The following DPP6 variants were observed in gnomAD, a reference collection of about 807,000 sequenced individuals.
DPP6 encodes the protein dipeptidyl peptidase like 6, also known as A-type potassium channel modulatory protein DPP6.
Under a neutral mutation model 122.6 loss-of-function variants are expected in DPP6, and 69 were observed. The observed-to-expected ratio is 0.56, with a 90% CI of 0.46 to 0.69. DPP6 has a LOEUF of 0.69. DPP6 is among the 30% of genes least tolerant of loss of function. DPP6 has a pLI of 0.00. For synonymous variants in DPP6, 418 were observed against 433.1 expected (o/e 0.97, Z 0.43); for missense variants, 928 against 1,116.9 (o/e 0.83, Z 2.41).
chr7:154,670,939 G>GT, intron 7 of DPP6, among the ~76,000 whole-genome samples: 1 of 152,294 alleles, frequency 6.6e-6, no homozygotes, highest in African/African-American at 2.4e-5. Context: ...GATAACAGAG[G>GT]TTTTGAAAAG....
At chr7:154,422,601 T>C (rs898468422) in intron 1 of DPP6, among the ~76,000 whole-genome samples, 3 of 151,660 alleles carry the variant, frequency 2.0e-5, no homozygotes, top group African/African-American at 7.3e-5. Context: ...GGTAGATGGA[T>C]GGTTGGATGG....
intron 1 of DPP6, among the ~76,000 whole-genome samples, chr7:153,889,233 T>C (rs1799083159): frequency 6.6e-6 from 1 of 152,206 alleles, no homozygotes; most frequent in African/African-American, 2.4e-5. Flanking sequence ...ACCTAATTGC[T>C]TGTTTATGAA....
intron 1 of DPP6, among the ~76,000 whole-genome samples, chr7:153,946,215 A>G (rs1271594388): frequency 2.0e-5 from 3 of 152,208 alleles, no homozygotes; most frequent in Admixed American, 2.0e-4. Flanking sequence ...AAATAAAGAA[A>G]CAAAAGAATG....
chr7:154,718,447 T>G (rs1240893752), intron 7 of DPP6, among the ~76,000 whole-genome samples: 3 of 152,276 alleles, frequency 2.0e-5, no homozygotes, highest in African/African-American at 7.2e-5. Flanking sequence ...AATTGGGGTC[T>G]AATTTCATTC....
intron 13 of DPP6, among the ~76,000 whole-genome samples, chr7:154,802,074 G>A (rs954555037): frequency 6.6e-6 from 1 of 152,032 alleles, no homozygotes; most frequent in Admixed American, 6.6e-5. Context: ...GGAGCCTCAC[G>A]CCTGCAGGAC....
intron 1 of DPP6, among the ~76,000 whole-genome samples, chr7:154,281,268 C>A (rs1804494179): frequency 6.6e-6 from 1 of 152,092 alleles, no homozygotes; most frequent in Admixed American, 6.6e-5. Context: ...CCGCTTCGAC[C>A]TCCCCTAATG....
At chr7:154,301,146 C>T (rs1290194384) in intron 1 of DPP6, among the ~76,000 whole-genome samples, 1 of 152,168 alleles carries the variant, frequency 6.6e-6, no homozygotes, top group African/African-American at 2.4e-5. Flanking sequence ...TAACAGTCTG[C>T]CTCATGGTGT....
chr7:154,076,250 G>C (rs1230256905), intron 1 of DPP6, among the ~76,000 whole-genome samples: 1 of 152,180 alleles, frequency 6.6e-6, no homozygotes, highest in East Asian at 1.9e-4. Flanking sequence ...AGGAGTTCAA[G>C]ACCAGCCTCG....
At position 154,817,497 on chromosome 7, in the gene DPP6, T is replaced by G. The variant is rs553172931; in HGVS notation, c.1666+10385T>G. 8.1e-4 allele frequency among the ~76,000 whole-genome samples: 123 copies of G among 152,248 alleles called. 1 individual carries two copies. The highest frequency in any genetic ancestry group is 3.4e-3 in the Middle Eastern group (1 of 292). On this transcript the variant is annotated intron_variant, in intron 16 of 25. Coordinates refer to ENST00000377770, the MANE Select transcript of DPP6 (RefSeq NM_130797.4). ...TATGAGCAACTTCAAGAGTAATTGA[T>G]GAATGATGTCATGAGGGTCATGAGT...
chr7:154,136,440 TTTTTACAGGGGAACCACA>T (rs1446413949), intron 1 of DPP6, among the ~76,000 whole-genome samples: 6 of 152,220 alleles, frequency 3.9e-5, no homozygotes, highest in African/African-American at 1.2e-4. Context: ...AGTATGCAGT[TTTTTACAGGGGAACCACA>T]GAATCTTTAT....
chr7:153,943,860 ATGC>A, intron 1 of DPP6, among the ~76,000 whole-genome samples: 1 of 150,302 alleles, frequency 6.7e-6, no homozygotes, highest in Admixed American at 6.7e-5. Context: ...AGTCTGAGTG[ATGC>A]TCTGCTACAT....
intron 5 of DPP6, among the ~76,000 whole-genome samples, chr7:154,592,791 G>A (rs1454333570): frequency 5.9e-5 from 9 of 152,094 alleles, no homozygotes; most frequent in Non-Finnish European, 4.4e-5. Flanking sequence ...CATGTCATCC[G>A]GGAAAACTAC....
intron 1 of DPP6, among the ~76,000 whole-genome samples, chr7:154,345,692 T>C (rs766981654): frequency 1.3e-5 from 2 of 152,152 alleles, no homozygotes; most frequent in Non-Finnish European, 2.9e-5. Context: ...AGGTCAGCTA[T>C]GCTTCCCATT....
chr7:154,417,188 C>CA lies in DPP6; in HGVS notation c.244-29025dup, dbSNP rs768795023. 5.9e-5 allele frequency among the ~76,000 whole-genome samples: 9 copies of CA among 152,188 alleles called. 1 individual carries two copies. Among genetic ancestry groups the CA allele is most frequent in the Non-Finnish European group, 8.8e-5 (6 of 68,036 alleles). ...CGGGTGATCTCAGGGAACATCTCCC[C>CA]ACCAATTACTTTCAAGACTGACTCG... is the stretch of plus-strand genomic sequence containing the variant. On this transcript the variant is annotated intron_variant, in intron 1 of 25. Transcript: ENST00000377770.
At chr7:154,320,261 C>T (rs1807824374) in intron 1 of DPP6, among the ~76,000 whole-genome samples, 1 of 152,110 alleles carries the variant, frequency 6.6e-6, no homozygotes, top group Admixed American at 6.6e-5. Flanking sequence ...GTGCCTCTCA[C>T]TTCAGGCCGG....
At chr7:154,417,814 C>T (rs748126099) in intron 1 of DPP6, among the ~76,000 whole-genome samples, 47 of 152,358 alleles carry the variant, frequency 3.1e-4, no homozygotes, top group Non-Finnish European at 5.3e-4. Flanking sequence ...CCACCCTCAT[C>T]GCCTCTTGCC....
intron 1 of DPP6, among the ~76,000 whole-genome samples, chr7:153,917,713 C>G (rs1800388979): frequency 6.6e-6 from 1 of 152,154 alleles, no homozygotes; most frequent in Non-Finnish European, 1.5e-5. Context: ...TGTGGTTATT[C>G]TAGTGTGACA....
chr7:154,774,323 T>C (rs1161468159), intron 10 of DPP6, among the ~76,000 whole-genome samples: 4 of 152,210 alleles, frequency 2.6e-5, no homozygotes, highest in Admixed American at 2.6e-4. Context: ...TCTCCTAAAG[T>C]TCCATATATT....
intron 17 of DPP6, among the ~76,000 whole-genome samples, chr7:154,865,828 G>A (rs1803824070): frequency 6.6e-6 from 1 of 152,144 alleles, no homozygotes; most frequent in Non-Finnish European, 1.5e-5. Flanking sequence ...AAAGACTTGG[G>A]TAGAAACCCA....
Sources: allele counts gnomAD v4.1 joint callset (sites outside exome capture counted in the v4.1 genomes callset), GRCh38; gene constraint gnomAD v4.1.1; transcripts MANE v1.5; gene names NCBI Gene and HGNC (gene_info 2026-07-23, HGNC 2026-07-21).